Variants in OSBPL9 observed in about 807,000 individuals in gnomAD.
OSBPL9 encodes the protein oxysterol-binding protein-related protein 9.
Under a neutral mutation model 106.6 loss-of-function variants are expected in OSBPL9, and 40 were observed. The observed-to-expected ratio is 0.38, with a 90% CI of 0.29 to 0.49. The LOEUF (loss-of-function observed/expected upper bound fraction) is 0.49. Among genes scored for constraint, OSBPL9 ranks in the 20% least tolerant of loss-of-function variants. The pLI, the probability that OSBPL9 is intolerant of heterozygous loss-of-function variation, is 0.97. For synonymous variants in OSBPL9, 269 were observed against 295.4 expected (o/e 0.91, Z 0.92); for missense variants, 609 against 887.2 (o/e 0.69, Z 3.98).
chr1:51,756,634 C>A, intron 9 of OSBPL9: 1 of 341,398 alleles, frequency 2.9e-6, no homozygotes, highest in Non-Finnish European at 5.4e-6. Context: ...TCAGCTTTTA[C>A]AATTAAATAA....
the OSBPL9 span, among the ~76,000 whole-genome samples, chr1:51,529,060 TTAA>T: frequency 1.3e-5 from 2 of 152,196 alleles, no homozygotes; most frequent in African/African-American, 2.4e-5. Flanking sequence ...CTTAAGATTG[TTAA>T]TATGGTAATA....
intron 3 of OSBPL9, among the ~76,000 whole-genome samples, chr1:51,692,459 T>A (rs1655159133): frequency 6.6e-6 from 1 of 152,186 alleles, no homozygotes; most frequent in Non-Finnish European, 1.5e-5. Context: ...GGCAGAGCAG[T>A]AGATTTGTTT....
At chr1:51,744,353 A>G (rs1348200718) in intron 4 of OSBPL9, among the ~76,000 whole-genome samples, 1 of 152,198 alleles carries the variant, frequency 6.6e-6, no homozygotes, top group Non-Finnish European at 1.5e-5. Context: ...GGACAGCCAC[A>G]ATATTGTGTT....
At chr1:51,723,677 G>A (rs894489725) in intron 4 of OSBPL9, among the ~76,000 whole-genome samples, 4 of 152,102 alleles carry the variant, frequency 2.6e-5, no homozygotes, top group African/African-American at 9.7e-5. Flanking sequence ...CTCCTGAGTA[G>A]CTGGGATCAC....
At chr1:51,730,494 G>C (rs1368011488) in intron 4 of OSBPL9, among the ~76,000 whole-genome samples, 1 of 152,202 alleles carries the variant, frequency 6.6e-6, no homozygotes, top group East Asian at 1.9e-4. Flanking sequence ...AGTAATTACG[G>C]ATGCTATTGT....
the OSBPL9 span, among the ~76,000 whole-genome samples, chr1:51,569,305 C>T: frequency 6.6e-6 from 1 of 152,136 alleles, no homozygotes; most frequent in Non-Finnish European, 1.5e-5. Context: ...AAAATGTCTC[C>T]CTGTGCTATA....
At chr1:51,602,467 G>C (rs1375390023) in intron 2 of OSBPL9, among the ~76,000 whole-genome samples, 1 of 134,332 alleles carries the variant, frequency 7.4e-6, no homozygotes, top group East Asian at 2.1e-4. Flanking sequence ...TTGTTGCCCA[G>C]GCTGGAGTGC....
At chr1:51,530,579 C>T in the OSBPL9 span, among the ~76,000 whole-genome samples, 17 of 151,834 alleles carry the variant, frequency 1.1e-4, no homozygotes, top group African/African-American at 3.6e-4. Flanking sequence ...ATATCAAGAC[C>T]GTCTCTTAAA....
intron 4 of OSBPL9, among the ~76,000 whole-genome samples, chr1:51,716,610 A>G (rs1661102584): frequency 6.6e-6 from 1 of 152,232 alleles, no homozygotes; most frequent in African/African-American, 2.4e-5. Context: ...GGTATTCAGT[A>G]GCACTCAGTA....
At chr1:51,711,374 C>T (rs78321035) in intron 3 of OSBPL9, among the ~76,000 whole-genome samples, 5 of 148,988 alleles carry the variant, frequency 3.4e-5, no homozygotes, top group South Asian at 4.3e-4. Context: ...GGCGGCTGGC[C>T]GGGCAGAGGG....
intron 1 of OSBPL9, among the ~76,000 whole-genome samples, chr1:51,618,025 G>T (rs972977397): frequency 9.4e-6 from 1 of 106,554 alleles, no homozygotes; most frequent in Non-Finnish European, 2.1e-5. Context: ...TGTGTGTGTG[G>T]TTTTTTTTTT....
At chr1:51,533,496 A>AG in the OSBPL9 span, among the ~76,000 whole-genome samples, 1 of 150,196 alleles carries the variant, frequency 6.7e-6, no homozygotes, top group Non-Finnish European at 1.5e-5. Flanking sequence ...AAAAAAAAAA[A>AG]AAAAAAGAAA....
At chr1:51,692,032 G>A (rs900249528) in intron 3 of OSBPL9, among the ~76,000 whole-genome samples, 3 of 152,194 alleles carry the variant, frequency 2.0e-5, no homozygotes, top group Admixed American at 2.0e-4. Context: ...AAAAGGCTGA[G>A]TGCAGTGGCT....
intron 4 of OSBPL9, among the ~76,000 whole-genome samples, chr1:51,714,384 A>C (rs1660656835): frequency 6.6e-6 from 1 of 152,236 alleles, no homozygotes; most frequent in Non-Finnish European, 1.5e-5. Flanking sequence ...GTCAGTTATC[A>C]ATACAACCAA....
intron 21 of OSBPL9, 108 bp from the exon 22 acceptor site, chr1:51,786,413 GTTAAC>G (rs1557880129): frequency 4.5e-6 from 3 of 667,302 alleles, no homozygotes; most frequent in Non-Finnish European, 7.8e-6. Context: ...GGAGGAGCCA[GTTAAC>G]TGCATTTTGG....
intron 3 of OSBPL9, among the ~76,000 whole-genome samples, chr1:51,678,746 G>A (rs1012128165): frequency 6.6e-6 from 1 of 152,198 alleles, no homozygotes; most frequent in African/African-American, 2.4e-5. Flanking sequence ...TTAATTCAGA[G>A]AAGTTATATT....
intron 2 of OSBPL9, among the ~76,000 whole-genome samples, chr1:51,598,759 T>C (rs1347822929): frequency 6.6e-6 from 1 of 152,106 alleles, no homozygotes; most frequent in Non-Finnish European, 1.5e-5. Context: ...TTTGGGAGGC[T>C]GAGGCAGGCA....
chr1:51,527,167 C>T, the OSBPL9 span, among the ~76,000 whole-genome samples: 3 of 152,178 alleles, frequency 2.0e-5, no homozygotes, highest in Non-Finnish European at 4.4e-5. Flanking sequence ...TAAGCTACAA[C>T]ACCATGGTCA....
intron 3 of OSBPL9, among the ~76,000 whole-genome samples, chr1:51,680,476 G>T (rs1332474625): frequency 1.3e-5 from 2 of 151,700 alleles, no homozygotes; most frequent in Non-Finnish European, 2.9e-5. Context: ...CCAACATGGT[G>T]AAACCCTGTC....
Sources: allele counts gnomAD v4.1 joint callset (sites outside exome capture counted in the v4.1 genomes callset), GRCh38; gene constraint gnomAD v4.1.1; transcripts MANE v1.5; gene names NCBI Gene and HGNC (gene_info 2026-07-23, HGNC 2026-07-21).